Variants in YPEL5 observed in about 807,000 individuals in gnomAD.
The protein encoded by YPEL5 is protein yippee-like 5.
YPEL5 carries 1 observed loss-of-function variant against 10.5 expected under a neutral mutation model. The observed-to-expected ratio is 0.10, with a 90% CI of 0.03 to 0.45. The LOEUF is 0.45. Ranked by LOEUF, YPEL5 falls within the 20% of genes least tolerant of loss-of-function variation. YPEL5 has a pLI of 0.97. For missense variants in YPEL5, 68 were observed against 159.3 expected (o/e 0.43, Z 3.09); for synonymous variants, 61 against 56.6 (o/e 1.08, Z -0.35).
chr2:30,151,963 C>T (rs1675812720), intron 1 of YPEL5, among the ~76,000 whole-genome samples: 1 of 152,166 alleles, frequency 6.6e-6, no homozygotes, highest in African/African-American at 2.4e-5. Flanking sequence ...GAAAGCAGAT[C>T]AGTGGTTGCC....
At chr2:30,156,403 C>A (rs1676041071) in intron 1 of YPEL5, 1 of 431,420 alleles carries the variant, frequency 2.3e-6, no homozygotes, top group African/African-American at 2.0e-5. Flanking sequence ...AGGTTTACTT[C>A]CTTGGCTCAC....
chr2:30,154,379 G>A (rs999914008), intron 1 of YPEL5, among the ~76,000 whole-genome samples: 1 of 152,192 alleles, frequency 6.6e-6, no homozygotes, highest in African/African-American at 2.4e-5. Flanking sequence ...GACCAAAGAG[G>A]TGAAGTAATT....
rs979549443 is a variant in YPEL5 at position 30,158,944 on chromosome 2, C to T, written c.*101C>T. The T allele has an allele frequency of 1.1e-5, 12 of 1,078,852 alleles. No homozygotes were observed. The African/African-American group carries it at 1.6e-4, about 14-fold the overall frequency. 66.8% of individuals were successfully genotyped at this position (1,078,852 alleles called of 1,614,324 possible). A position where few individuals can be genotyped will look rare whatever the true frequency, so the allele number is the denominator to read the frequency against. On this transcript the variant is annotated 3_prime_UTR_variant, in exon 3 of 3. Transcript: ENST00000261353. ...TTAGCATCAGAGTCGGATTAATGAA[C>T]TGCGGAACAAGAGGTTGTGAGAATC...
chr2:30,153,655 G>A (rs1675913418), intron 1 of YPEL5, among the ~76,000 whole-genome samples: 1 of 152,138 alleles, frequency 6.6e-6, no homozygotes, highest in African/African-American at 2.4e-5. Flanking sequence ...AAAGACCTTT[G>A]ACAGCAAGTG....
intron 1 of YPEL5, among the ~76,000 whole-genome samples, chr2:30,149,272 A>T: frequency 6.6e-6 from 1 of 152,202 alleles, no homozygotes; most frequent in African/African-American, 2.4e-5. Flanking sequence ...ATAAGGCATT[A>T]TTGAGGGGGG....
chr2:30,152,949 G>A (rs1210400287), intron 1 of YPEL5, among the ~76,000 whole-genome samples: 2 of 146,860 alleles, frequency 1.4e-5, no homozygotes, highest in East Asian at 4.0e-4. Context: ...GGCCCAGGCT[G>A]GAATGCAGTA....
intron 2 of YPEL5, among the ~76,000 whole-genome samples, chr2:30,158,125 G>A (rs1676121757): frequency 6.6e-6 from 1 of 152,184 alleles, no homozygotes; most frequent in Non-Finnish European, 1.5e-5. Flanking sequence ...ACTATGTACT[G>A]CAGATGTATG....
chr2:30,154,231 G>A (rs546883111), intron 1 of YPEL5, among the ~76,000 whole-genome samples: 5 of 152,308 alleles, frequency 3.3e-5, no homozygotes, highest in African/African-American at 1.2e-4. Flanking sequence ...TACCTCAACG[G>A]CTGAGACTCC....
intron 1 of YPEL5, among the ~76,000 whole-genome samples, chr2:30,154,662 A>G (rs1398445700): frequency 6.6e-6 from 1 of 152,258 alleles, no homozygotes; most frequent in African/African-American, 2.4e-5. Flanking sequence ...TCACTGCTGT[A>G]TTCCTAGGCT....
intron 1 of YPEL5, among the ~76,000 whole-genome samples, chr2:30,152,674 C>T (rs1675853212): frequency 6.6e-6 from 1 of 152,158 alleles, no homozygotes; most frequent in Admixed American, 6.5e-5. Flanking sequence ...AAGTCACAGT[C>T]TCTTTAATTC....
At chr2:30,147,797 AC>A (rs2103501817) in intron 1 of YPEL5, 1 of 150,584 alleles carries the variant, frequency 6.6e-6, no homozygotes, top group East Asian at 2.1e-4. Context: ...CCCCCCGGCC[AC>A]CCGCTCAGCT....
intron 1 of YPEL5, chr2:30,148,366 G>C (rs929314930): frequency 9.9e-5 from 15 of 152,204 alleles, no homozygotes; most frequent in Admixed American, 9.8e-4. Flanking sequence ...GAAGAAACTG[G>C]GAGGAGTAGG....
chr2:30,147,429 C>T lies in YPEL5; in HGVS notation c.-25+367C>T, dbSNP rs570641041. ...CCGTCGCGTCCTCCGAGGCCCGCCG[C>T]CGAGGCCCACGGCGCCCCCTGGGCG... is the stretch of plus-strand genomic sequence containing the variant. On this transcript the variant is annotated intron_variant, in intron 1 of 2. Transcript: ENST00000261353. 120 of 148,738 alleles carry T rather than the reference C, an allele frequency of 8.1e-4. 4 individuals are homozygous for T. In the East Asian group the frequency reaches 0.019, roughly 23 times the overall value. 9.2% of individuals were successfully genotyped at this position (148,738 alleles called of 1,614,324 possible).
intron 2 of YPEL5, among the ~76,000 whole-genome samples, chr2:30,157,206 C>T (rs1676080969): frequency 6.6e-6 from 1 of 151,862 alleles, no homozygotes; most frequent in Admixed American, 6.6e-5. Context: ...ACACTTGAAC[C>T]TGGGAGGCGG....
rs1044550481 is a variant in YPEL5 at position 30,158,895 on chromosome 2, A to C, written c.*52A>C. The C allele has an allele frequency of 1.9e-6, 3 of 1,570,634 alleles. No individual in the cohort carries two copies. The Admixed American group carries it at 5.1e-5, about 27-fold the overall frequency. ...CCAGGTCTCCTTCACTGAAAACAAA[A>C]ATCTACTTACATACACTGTCACCTT... On this transcript the variant is annotated 3_prime_UTR_variant, in exon 3 of 3. Coordinates refer to ENST00000261353, the MANE Select transcript of YPEL5 (RefSeq NM_016061.3).
rs181942852 is a variant in YPEL5 at position 30,158,992 on chromosome 2, T to A, written c.*149T>A. 1.3e-6 allele frequency: 1 copy of A among 759,404 alleles called. No individual in the cohort carries two copies. Among genetic ancestry groups the A allele is most frequent in the East Asian group, 2.7e-5 (1 of 37,034 alleles). The allele number at this position is 759,404 out of a possible 1,614,324, so 47.0% of individuals were successfully genotyped here. On this transcript the variant is annotated 3_prime_UTR_variant, in exon 3 of 3. Transcript: ENST00000261353. ...ATCTAAGATGGAACCTTTCTTTCTTTCTTTCTTTTTTTTTAAATTTTGTAT... is the reference window on the plus strand; with the variant it reads ...ATCTAAGATGGAACCTTTCTTTCTTACTTTCTTTTTTTTTAAATTTTGTAT...
intron 1 of YPEL5, among the ~76,000 whole-genome samples, chr2:30,152,077 AATTTTAT>A (rs1675817901): frequency 6.6e-6 from 1 of 152,218 alleles, no homozygotes; most frequent in African/African-American, 2.4e-5. Context: ...ATAGTGGCAC[AATTTTAT>A]AAATTGACTA....
intron 1 of YPEL5, 168 bp from the exon 2 acceptor site, chr2:30,156,460 T>C: frequency 3.3e-6 from 2 of 613,854 alleles, no homozygotes; most frequent in Non-Finnish European, 5.6e-6. Context: ...ATTTGTTCAG[T>C]GTGTGAACTT....
chr2:30,154,557 A>G (rs1446474011), intron 1 of YPEL5, among the ~76,000 whole-genome samples: 1 of 152,188 alleles, frequency 6.6e-6, no homozygotes, highest in African/African-American at 2.4e-5. Context: ...TTTAAATGTC[A>G]TCTCAACTTT....
Sources: allele counts gnomAD v4.1 joint callset (sites outside exome capture counted in the v4.1 genomes callset), GRCh38; gene constraint gnomAD v4.1.1; transcripts MANE v1.5; gene names NCBI Gene and HGNC (gene_info 2026-07-23, HGNC 2026-07-21).